Variants in MARCHF1 observed in about 807,000 individuals in gnomAD.
MARCHF1 encodes membrane associated ring-CH-type finger 1, also known as E3 ubiquitin-protein ligase MARCHF1.
In MARCHF1, 40 loss-of-function variants were observed where a neutral mutation model predicts 54.2. The observed-to-expected ratio is 0.74, with a 90% CI of 0.57 to 0.96. MARCHF1 has a LOEUF of 0.96. MARCHF1 is among the 40% of genes least tolerant of loss of function. The probability of loss-of-function intolerance (pLI) is 0.00; values close to 1 mark genes in which losing one functional copy is unlikely to be tolerated. For synonymous variants in MARCHF1, 236 were observed against 236.3 expected (o/e 1.00, Z 0.01); for missense variants, 586 against 656.5 (o/e 0.89, Z 1.17).
At chr4:164,010,992 C>T (rs1165468722) in intron 2 of MARCHF1, among the ~76,000 whole-genome samples, 1 of 151,986 alleles carries the variant, frequency 6.6e-6, no homozygotes, top group Non-Finnish European at 1.5e-5. Context: ...AACAAAGTTG[C>T]CAAAAATATG....
At chr4:164,356,387 C>T (rs1472077188) in intron 1 of MARCHF1, among the ~76,000 whole-genome samples, 3 of 140,286 alleles carry the variant, frequency 2.1e-5, no homozygotes, top group Non-Finnish European at 4.7e-5. Context: ...CAATGATAGA[C>T]TGGATTAAGA....
chr4:164,180,362 AGATTAGTGCAACTAACCTTTCAAG>A (rs1730801337), intron 1 of MARCHF1, among the ~76,000 whole-genome samples: 1 of 152,182 alleles, frequency 6.6e-6, no homozygotes. Context: ...CTAAGATGGA[AGATTAGTGCAACTAACCTTTCAAG>A]AAGGTCAATT....
At chr4:164,207,714 G>A (rs1194102643) in intron 1 of MARCHF1, among the ~76,000 whole-genome samples, 1 of 152,140 alleles carries the variant, frequency 6.6e-6, no homozygotes, top group Non-Finnish European at 1.5e-5. Context: ...GCTGAAGACT[G>A]TGTGCACTGT....
chr4:164,055,488 G>T (rs1754470536), intron 2 of MARCHF1, among the ~76,000 whole-genome samples: 2 of 151,310 alleles, frequency 1.3e-5, no homozygotes, highest in African/African-American at 4.9e-5. Context: ...CTCTTTGGAT[G>T]GAACGATCAA....
chr4:164,035,469 G>GA (rs748614434), intron 2 of MARCHF1, among the ~76,000 whole-genome samples: 1,504 of 137,220 alleles, frequency 0.011, 7 homozygotes, highest in Non-Finnish European at 0.014. Context: ...TCAGCTTTTA[G>GA]AAAAAAAAAA....
intron 4 of MARCHF1, chr4:163,828,863 T>G (rs1748933476): frequency 6.6e-6 from 1 of 152,206 alleles, no homozygotes; most frequent in Admixed American, 6.5e-5. Context: ...CAATTATAAC[T>G]TCTTTTTGAA....
At chr4:163,681,385 A>C (rs1180371623) in intron 5 of MARCHF1, among the ~76,000 whole-genome samples, 1 of 152,210 alleles carries the variant, frequency 6.6e-6, no homozygotes, top group Non-Finnish European at 1.5e-5. Flanking sequence ...ATGTACAGTT[A>C]CACAGGTAGT....
chr4:164,040,311 T>TATAA (rs1553972458), intron 2 of MARCHF1, among the ~76,000 whole-genome samples: 3 of 111,444 alleles, frequency 2.7e-5, no homozygotes, highest in African/African-American at 1.1e-4. Flanking sequence ...TACATATACT[T>TATAA]ATAAATATGT....
Position 164,330,908 on chromosome 4 carries a change from T to C in MARCHF1, c.-323+52962A>G, listed in dbSNP as rs1735418212. ...TTTTCAGTGGTAGCCCTAGATATAA[T>C]GACGCTCCAGTTCTGTAAAAGTGAT... On this transcript the variant is annotated intron_variant, in intron 1 of 9. Transcript: ENST00000514618. Among the ~76,000 whole-genome samples, 3 of 152,192 alleles carry C rather than the reference T, an allele frequency of 2.0e-5. No homozygotes were observed. In the South Asian group the frequency reaches 6.2e-4, roughly 32 times the overall value.
intron 1 of MARCHF1, among the ~76,000 whole-genome samples, chr4:164,158,797 T>C (rs902449291): frequency 6.6e-6 from 1 of 152,188 alleles, no homozygotes; most frequent in African/African-American, 2.4e-5. Flanking sequence ...TTTCCAACTA[T>C]GCTCCGCCAA....
intron 2 of MARCHF1, among the ~76,000 whole-genome samples, chr4:164,008,993 A>G (rs1753357675): frequency 6.6e-6 from 1 of 152,068 alleles, no homozygotes; most frequent in Non-Finnish European, 1.5e-5. Context: ...AATTGAGACC[A>G]AAAAGTACAA....
At chr4:164,325,052 A>G (rs915487616) in intron 1 of MARCHF1, among the ~76,000 whole-genome samples, 1 of 152,028 alleles carries the variant, frequency 6.6e-6, no homozygotes, top group Admixed American at 6.6e-5. Context: ...CTTATAAGAT[A>G]TTACAAGATA....
chr4:163,679,968 GC>G (rs1302387230), intron 5 of MARCHF1, among the ~76,000 whole-genome samples: 2 of 122,920 alleles, frequency 1.6e-5, no homozygotes, highest in African/African-American at 6.0e-5. Context: ...ACTATCTCTT[GC>G]TTTTTATCTG....
At chr4:163,980,478 C>T (rs1488714323) in intron 3 of MARCHF1, among the ~76,000 whole-genome samples, 2 of 151,542 alleles carry the variant, frequency 1.3e-5, no homozygotes, top group Non-Finnish European at 1.5e-5. Flanking sequence ...ATGTCCAAAA[C>T]ACCAAAAGCA....
intron 8 of MARCHF1, among the ~76,000 whole-genome samples, chr4:163,580,891 T>C (rs1740211224): frequency 1.8e-5 from 2 of 110,944 alleles, no homozygotes; most frequent in South Asian, 3.1e-4. Context: ...CAAGCTCCGC[T>C]TCCCGGGTTC....
At chr4:163,665,727 T>C (rs541974860) in intron 5 of MARCHF1, among the ~76,000 whole-genome samples, 1 of 152,288 alleles carries the variant, frequency 6.6e-6, no homozygotes, top group South Asian at 2.1e-4. Flanking sequence ...ATCTGACCAC[T>C]GCCATCTACT....
intron 4 of MARCHF1, among the ~76,000 whole-genome samples, chr4:163,724,947 T>C (rs1745605471): frequency 6.6e-6 from 1 of 152,148 alleles, no homozygotes; most frequent in Non-Finnish European, 1.5e-5. Flanking sequence ...CCTGACCCCT[T>C]GCACTTCCCG....
intron 8 of MARCHF1, among the ~76,000 whole-genome samples, chr4:163,575,528 C>T (rs1302226439): frequency 2.6e-5 from 4 of 151,826 alleles, no homozygotes; most frequent in Non-Finnish European, 5.9e-5. Context: ...TTTGTTGTGT[C>T]TTGGCCAGGG....
intron 2 of MARCHF1, among the ~76,000 whole-genome samples, chr4:164,047,258 G>A (rs1466550187): frequency 6.6e-6 from 1 of 151,768 alleles, no homozygotes; most frequent in Non-Finnish European, 1.5e-5. Context: ...AAGAAAAAAG[G>A]CACTTCAAGA....
Sources: gnomAD v4.1 joint callset for allele counts (sites outside exome capture counted in the v4.1 genomes callset) on GRCh38, gnomAD v4.1.1 for gene constraint, MANE v1.5 for transcripts, NCBI Gene and HGNC (gene_info 2026-07-23, HGNC 2026-07-21) for gene names.